Variants in PCBP3 observed in about 807,000 individuals in gnomAD.
PCBP3 encodes the protein poly(rC) binding protein 3, also known as poly(rC)-binding protein 3.
In PCBP3, 25 loss-of-function variants were observed where a neutral mutation model predicts 52.7. That is an observed-to-expected ratio of 0.47 (90% CI 0.35 to 0.66). PCBP3 has a LOEUF of 0.66. PCBP3 is among the 30% of genes least tolerant of loss of function. The probability of loss-of-function intolerance (pLI) is 0.01; values close to 1 mark genes in which losing one functional copy is unlikely to be tolerated. For synonymous variants in PCBP3, 162 were observed against 183.0 expected, an observed-to-expected ratio of 0.89 and a Z score of 0.93; for missense variants, 391 against 490.3, an observed-to-expected ratio of 0.80 and a Z score of 1.91.
chr21:45,691,851 G>A (rs186448537), intron 2 of PCBP3, among the ~76,000 whole-genome samples: 1 of 152,220 alleles, frequency 6.6e-6, no homozygotes, highest in African/African-American at 2.4e-5. Flanking sequence ...GAAACTAAAG[G>A]AGTCCCCAGC....
rs114939234 is a variant in PCBP3 at position 45,895,631 on chromosome 21, C to T, written c.11-577C>T. On this transcript the variant is annotated intron_variant, in intron 5 of 17. Coordinates refer to ENST00000681687, the MANE Select transcript of PCBP3 (RefSeq NM_001384156.1). ...AGTGACACGATGACTGCAGACAGCA[C>T]TGTGTGCTTGGAAGGCACTTGCCGA... Among the ~76,000 whole-genome samples the T allele has an allele frequency of 3.1e-3, 467 of 152,392 alleles. 3 individuals are homozygous for T. Among genetic ancestry groups the T allele is most frequent in the African/African-American group, 0.011 (449 of 41,604 alleles).
chr21:45,653,014 A>G (rs1297441438), intron 1 of PCBP3, among the ~76,000 whole-genome samples: 1 of 152,014 alleles, frequency 6.6e-6, no homozygotes, highest in Non-Finnish European at 1.5e-5. Context: ...TTTTTCTTGG[A>G]TTCCTAGGTA....
At chr21:45,846,586 T>C (rs996985394) in intron 4 of PCBP3, among the ~76,000 whole-genome samples, 4 of 152,254 alleles carry the variant, frequency 2.6e-5, no homozygotes, top group African/African-American at 4.8e-5. Flanking sequence ...TTGCCATGGC[T>C]GACAGTCATG....
chr21:45,644,315 C>G (rs1017224806), intron 1 of PCBP3, among the ~76,000 whole-genome samples: 2 of 151,710 alleles, frequency 1.3e-5, no homozygotes, highest in African/African-American at 2.4e-5. Flanking sequence ...GGCCTCCTCC[C>G]CCTGGACGGC....
chr21:45,832,996 C>T (rs1422494266), intron 4 of PCBP3, among the ~76,000 whole-genome samples: 4 of 152,114 alleles, frequency 2.6e-5, no homozygotes, highest in African/African-American at 7.2e-5. Flanking sequence ...AATCACCTCC[C>T]GCCAGGTCCC....
intron 4 of PCBP3, among the ~76,000 whole-genome samples, chr21:45,823,325 G>A (rs974027087): frequency 7.2e-5 from 11 of 152,112 alleles, no homozygotes; most frequent in Admixed American, 2.6e-4. Context: ...AGAAAACGTC[G>A]GCCTTAATTC....
chr21:45,723,197 T>C (rs1009522278), intron 2 of PCBP3, among the ~76,000 whole-genome samples: 2 of 152,174 alleles, frequency 1.3e-5, no homozygotes, highest in Admixed American at 6.5e-5. Context: ...AGGGGACACA[T>C]AGGCATCCTA....
intron 16 of PCBP3, among the ~76,000 whole-genome samples, chr21:45,939,720 T>C (rs1236589792): frequency 6.6e-6 from 1 of 152,190 alleles, no homozygotes; most frequent in Admixed American, 6.5e-5. Flanking sequence ...GTGACCAGTG[T>C]GGAGCACCCA....
Position 45,901,062 on chromosome 21 carries a change from C to G in PCBP3, c.288C>G (p.Pro96=). 2 of 1,614,098 alleles carry G rather than the reference C, an allele frequency of 1.2e-6. No individual in the cohort carries two copies. The highest frequency in any genetic ancestry group is 1.7e-6 in the Non-Finnish European group (2 of 1,179,954). The part of the protein sequence containing the change: ...CPERIVTITG[P]TDAIFKAFAM... ...AGAGGATTGTGACCATCACAGGCCC[C>G]ACAGACGCCATCTTCAAGGCCTTTG... is the stretch of plus-strand genomic sequence containing the variant. The change falls in exon 9 of 18, where the codon CCC becomes CCG. Residue 96 remains proline, a synonymous_variant. Coordinates refer to ENST00000681687, the MANE Select transcript of PCBP3 (RefSeq NM_001384156.1).
intron 4 of PCBP3, among the ~76,000 whole-genome samples, chr21:45,792,869 G>A (rs879383134): frequency 6.6e-6 from 1 of 152,202 alleles, no homozygotes; most frequent in Admixed American, 6.5e-5. Flanking sequence ...GGCCCAGGCA[G>A]TCAGAAGTTG....
At chr21:45,903,041 T>A (rs1251700893) in intron 9 of PCBP3, among the ~76,000 whole-genome samples, 2 of 152,154 alleles carry the variant, frequency 1.3e-5, no homozygotes, top group African/African-American at 2.4e-5. Flanking sequence ...CTGTGGAGAT[T>A]ATAGAATTAG....
intron 1 of PCBP3, among the ~76,000 whole-genome samples, chr21:45,651,032 C>T (rs1404386701): frequency 6.6e-6 from 1 of 152,184 alleles, no homozygotes; most frequent in African/African-American, 2.4e-5. Context: ...TTCTTCCCGT[C>T]AAGGCTTCAG....
At chr21:45,929,668 C>T (rs549289184) in intron 13 of PCBP3, among the ~76,000 whole-genome samples, 106 of 152,322 alleles carry the variant, frequency 7.0e-4, no homozygotes, top group Middle Eastern at 6.8e-3. Context: ...CTGGAGCTGC[C>T]GGGGAGCCAG....
intron 2 of PCBP3, among the ~76,000 whole-genome samples, chr21:45,674,283 T>G (rs970805192): frequency 2.0e-5 from 3 of 152,228 alleles, no homozygotes; most frequent in Non-Finnish European, 4.4e-5. Flanking sequence ...AAAACAACCC[T>G]TGTTGTTGCA....
At chr21:45,659,240 T>C (rs531431126) in intron 1 of PCBP3, among the ~76,000 whole-genome samples, 10 of 152,028 alleles carry the variant, frequency 6.6e-5, no homozygotes, top group Middle Eastern at 3.4e-3. Context: ...ATTTGAGATA[T>C]TTCTCTTTTA....
rs116517976 is a variant in PCBP3 at position 45,832,845 on chromosome 21, A to G, written c.-125-17116A>G. ...GAAACTTAGAATCATGACAGAAGCC[A>G]AAGGGGAAGCAAGCACCTTCTTCAC... On this transcript the variant is annotated intron_variant, in intron 4 of 17. Transcript: ENST00000681687. Among the ~76,000 whole-genome samples, 803 of 152,318 alleles carry G rather than the reference A, an allele frequency of 5.3e-3. 4 individuals are homozygous for G. The highest frequency in any genetic ancestry group is 0.018 in the African/African-American group (751 of 41,578).
rs2092231262 is a variant in PCBP3, at chr21:45,800,045, CTG to C, written c.-126+44596_-126+44597del. Among the ~76,000 whole-genome samples the C allele has an allele frequency of 6.6e-6, 1 of 152,148 alleles. No individual in the cohort carries two copies. The highest frequency in any genetic ancestry group is 1.5e-5 in the Non-Finnish European group (1 of 68,038). On this transcript the variant is annotated intron_variant, in intron 4 of 17. Coordinates refer to ENST00000681687, the MANE Select transcript of PCBP3 (RefSeq NM_001384156.1). This position sits in a 1 kb window ranked among gnomAD's most constrained non-coding sequence, Gnocchi z 5.3. Reference sequence around the variant, plus strand: ...CCTCTGCCCACAGCTTGTTCTCTCACTGTGAGAACCACCCAGTGATGGTTCTT... The same window carrying C: ...CCTCTGCCCACAGCTTGTTCTCTCACTGAGAACCACCCAGTGATGGTTCTT...
chr21:45,893,758 C>G (rs2148976166), intron 5 of PCBP3: 1 of 985,370 alleles, frequency 1.0e-6, no homozygotes, highest in East Asian at 1.1e-4. Context: ...AGAGCTCTGC[C>G]TGTTTCTGGA....
intron 3 of PCBP3, among the ~76,000 whole-genome samples, chr21:45,743,573 T>G (rs996736434): frequency 2.1e-4 from 32 of 152,168 alleles, no homozygotes; most frequent in African/African-American, 6.8e-4. Flanking sequence ...CCATAGCTCT[T>G]CCAATTATAA....
Sources: gnomAD v4.1 joint callset for allele counts (sites outside exome capture counted in the v4.1 genomes callset) on GRCh38, gnomAD v4.1.1 for gene constraint, Gnocchi (gnomAD v3.1) non-coding constraint, MANE v1.5 for transcripts, NCBI Gene and HGNC (gene_info 2026-07-23, HGNC 2026-07-21) for gene names.